The following UGGT1 variants were observed in gnomAD, a reference collection of about 807,000 sequenced individuals.
UGGT1 encodes UDP-glucose glycoprotein glucosyltransferase 1, also known as UDP-glucose:glycoprotein glucosyltransferase 1.
In UGGT1, 107 loss-of-function variants were observed where a neutral mutation model predicts 203.9. The observed-to-expected ratio is 0.52, with a 90% CI of 0.45 to 0.62. The LOEUF is 0.62. Ranked by LOEUF, UGGT1 falls within the 20% of genes least tolerant of loss-of-function variation. The pLI is 0.00. For synonymous variants in UGGT1, 628 were observed against 653.5 expected (o/e 0.96, Z 0.59); for missense variants, 1,673 against 1,867.2 (o/e 0.90, Z 1.92).
chr2:128,174,769 C>G lies in UGGT1; in HGVS notation c.3454-4C>G. ...AGCTAACTGGACTTTTCTTCTTGTC[C>G]TAGGGCTACTTTCAGCTGAAAGCCA... On this transcript the variant is annotated splice_region_variant and splice_polypyrimidine_tract_variant and intron_variant, in intron 30 of 40. Transcript: ENST00000259253. 1 of 1,612,316 alleles carries G rather than the reference C, an allele frequency of 6.2e-7. No homozygotes were observed.
chr2:128,154,060 T>TATACACACACAC (rs147214333), intron 19 of UGGT1, among the ~76,000 whole-genome samples: 88 of 149,792 alleles, frequency 5.9e-4, no homozygotes, highest in African/African-American at 1.7e-3. Flanking sequence ...CATGTATATA[T>TATACACACACAC]ACACACACAC....
chr2:128,135,744 G>A (rs540189672), intron 15 of UGGT1, among the ~76,000 whole-genome samples: 17 of 152,276 alleles, frequency 1.1e-4, no homozygotes, highest in African/African-American at 4.1e-4. Context: ...TTATAAGTGC[G>A]TTAGGATTTC....
At chr2:128,156,088 A>C (rs191794674) in intron 20 of UGGT1, among the ~76,000 whole-genome samples, 1 of 152,352 alleles carries the variant, frequency 6.6e-6, no homozygotes, top group East Asian at 1.9e-4. Context: ...AGTGCTTCAG[A>C]AAAGCACTGG....
chr2:128,128,604 G>T (rs551928787), intron 12 of UGGT1, among the ~76,000 whole-genome samples: 1 of 152,154 alleles, frequency 6.6e-6, no homozygotes, highest in South Asian at 2.1e-4. Context: ...GAGCCACCGC[G>T]CCCAGCCCTT....
chr2:128,110,835 G>A (rs1443339438), intron 5 of UGGT1, among the ~76,000 whole-genome samples: 6 of 152,028 alleles, frequency 3.9e-5, no homozygotes, highest in Admixed American at 2.6e-4. Context: ...AGACTGTCCC[G>A]TAATTGGTAA....
chr2:128,103,374 G>T (rs1687469170), intron 2 of UGGT1, among the ~76,000 whole-genome samples: 1 of 152,132 alleles, frequency 6.6e-6, no homozygotes, highest in Non-Finnish European at 1.5e-5. Context: ...TCTTGGATCT[G>T]ATTTTGTTAG....
At chr2:128,128,939 A>T in intron 12 of UGGT1, 90 bp from the exon 13 acceptor site, 2 of 1,287,270 alleles carry the variant, frequency 1.6e-6, no homozygotes, top group Non-Finnish European at 2.1e-6. Flanking sequence ...TTTGGCATTG[A>T]GGTTGAACTG....
intron 2 of UGGT1, among the ~76,000 whole-genome samples, chr2:128,102,012 T>A (rs1168498585): frequency 1.3e-5 from 2 of 152,224 alleles, no homozygotes; most frequent in African/African-American, 2.4e-5. Flanking sequence ...TAATGTACTC[T>A]CTCTGTACCC....
chr2:128,130,187 G>A (rs1479126023), intron 13 of UGGT1, among the ~76,000 whole-genome samples: 1 of 151,848 alleles, frequency 6.6e-6, no homozygotes, highest in African/African-American at 2.4e-5. Flanking sequence ...GCTTCAACCT[G>A]GGGGTGGAGG....
At chr2:128,165,185 G>C in intron 26 of UGGT1, among the ~76,000 whole-genome samples, 1 of 152,218 alleles carries the variant, frequency 6.6e-6, no homozygotes, top group East Asian at 1.9e-4. Flanking sequence ...CCAGCACTTT[G>C]GGAGGCCAGT....
At chr2:128,100,285 C>T (rs867905345) in intron 2 of UGGT1, among the ~76,000 whole-genome samples, 1 of 152,156 alleles carries the variant, frequency 6.6e-6, no homozygotes, top group Non-Finnish European at 1.5e-5. Context: ...GTGATCTGCC[C>T]TCCTTGGCCT....
In UGGT1 at chr2:128,145,896, G is replaced by C; in HGVS notation, c.1945G>C (p.Asp649His). 1 of 1,614,180 alleles carries C rather than the reference G, an allele frequency of 6.2e-7. No individual in the cohort carries two copies. The part of the protein sequence containing the change: ...MPFEREQLDP[D>H]ELETITMHKI... ...CTTTGAAAGGGAACAGCTAGACCCT[G>C]ATGAGTTAGAAACCATCACAATGCA... Residue 649 changes from aspartate (D) to histidine (H), a missense_variant, in exon 18 of 41, where the codon GAT becomes CAT. Asp to His is a moderately conservative substitution (Grantham distance 81). This residue lies in a region of UGGT1 where 1,073 missense variants were observed against 1,078.7 expected (regional missense o/e 0.99). Transcript: ENST00000259253.
intron 28 of UGGT1, among the ~76,000 whole-genome samples, chr2:128,171,932 C>T (rs773120282): frequency 6.6e-6 from 1 of 152,314 alleles, no homozygotes; most frequent in Middle Eastern, 3.4e-3. Flanking sequence ...AAAAGTGATA[C>T]AGAAAGCAGT....
chr2:128,094,736 C>CTTTTTTTT lies in UGGT1; in HGVS notation c.59-2670_59-2663dup, dbSNP rs70988604. Among the ~76,000 whole-genome samples, 46 of 84,632 alleles carry CTTTTTTTT rather than the reference C, an allele frequency of 5.4e-4. 3 individuals are homozygous for CTTTTTTTT. The highest frequency in any genetic ancestry group is 2.5e-3 in the African/African-American group (44 of 17,626). The allele number at this position is 84,632 out of a possible 152,430, so 55.5% of individuals were successfully genotyped here. On this transcript the variant is annotated intron_variant, in intron 1 of 40. Transcript: ENST00000259253. ...GTCTATGGTTAGTCCTAAGAGAATGCTTTTTTTTTTTTTTTTTTTTTTTTT... is the reference window on the plus strand; with the variant it reads ...GTCTATGGTTAGTCCTAAGAGAATGCTTTTTTTTTTTTTTTTTTTTTTTTTTTTTTTTT...
chr2:128,157,819 G>A (rs1690315060), intron 22 of UGGT1, among the ~76,000 whole-genome samples: 1 of 152,228 alleles, frequency 6.6e-6, no homozygotes, highest in Non-Finnish European at 1.5e-5. Flanking sequence ...GCCATTAATA[G>A]TTGGGCTTGA....
intron 13 of UGGT1, among the ~76,000 whole-genome samples, chr2:128,131,532 G>A (rs1688876146): frequency 6.6e-6 from 1 of 152,042 alleles, no homozygotes. Context: ...CTTTAATTAG[G>A]CTCTTTTTTC....
chr2:128,134,611 TGTA>T (rs1406567893), intron 14 of UGGT1, among the ~76,000 whole-genome samples: 1 of 152,188 alleles, frequency 6.6e-6, no homozygotes, highest in East Asian at 1.9e-4. Context: ...TTTCATTTGG[TGTA>T]GTAGAAAAAG....
At chr2:128,118,549 G>A (rs1034415088) in intron 8 of UGGT1, among the ~76,000 whole-genome samples, 1 of 152,174 alleles carries the variant, frequency 6.6e-6, no homozygotes, top group African/African-American at 2.4e-5. Context: ...ACAGGTGTGA[G>A]CTACCACTCC....
chr2:128,180,425 C>T (rs544253525), intron 35 of UGGT1, among the ~76,000 whole-genome samples: 9 of 152,230 alleles, frequency 5.9e-5, no homozygotes, highest in Admixed American at 2.0e-4. Context: ...TTACTGCTGG[C>T]GCCTAAAGGT....
Sources: allele counts gnomAD v4.1 joint callset (sites outside exome capture counted in the v4.1 genomes callset), GRCh38; gene constraint gnomAD v4.1.1; regional missense constraint gnomAD v4.1.1; transcripts MANE v1.5; gene names NCBI Gene and HGNC (gene_info 2026-07-23, HGNC 2026-07-21).